Variants in TF observed in about 807,000 individuals in gnomAD.
The protein encoded by TF is serotransferrin.
A neutral mutation model predicts 82.4 loss-of-function variants in TF; 55 were observed. The observed-to-expected ratio is 0.67, with a 90% CI of 0.54 to 0.84. The LOEUF is 0.84. Ranked by LOEUF, TF falls within the 40% of genes least tolerant of loss-of-function variation. The pLI, the probability that TF is intolerant of heterozygous loss-of-function variation, is 0.00. For synonymous variants in TF, 332 were observed against 332.6 expected, an observed-to-expected ratio of 1.00 and a Z score of 0.02; for missense variants, 737 against 868.4, an observed-to-expected ratio of 0.85 and a Z score of 1.90.
chr3:133,740,171 A>C, the TF span, among the ~76,000 whole-genome samples: 3 of 152,238 alleles, frequency 2.0e-5, no homozygotes, highest in African/African-American at 4.8e-5. Context: ...GGATGAGTTC[A>C]TGTCCTTTGC....
intron 15 of TF, among the ~76,000 whole-genome samples, chr3:133,776,337 CAG>C (rs1238217135): frequency 1.3e-5 from 2 of 152,218 alleles, no homozygotes; most frequent in East Asian, 1.9e-4. Flanking sequence ...TTGTTGAAGA[CAG>C]GGGCTGCCTG....
the TF span, among the ~76,000 whole-genome samples, chr3:133,675,912 G>A: frequency 6.6e-6 from 1 of 152,156 alleles, no homozygotes; most frequent in Non-Finnish European, 1.5e-5. Context: ...GACAGAATAA[G>A]TTCATGACCC....
chr3:133,666,653 G>A, the TF span, among the ~76,000 whole-genome samples: 1 of 152,280 alleles, frequency 6.6e-6, no homozygotes, highest in South Asian at 2.1e-4. Flanking sequence ...TCTATTCTAT[G>A]TGGGTTGCTA....
Position 133,757,944 on chromosome 3 carries a change from C to T in TF, c.1046C>T (p.Thr349Ile), listed in dbSNP as rs374953101. The T allele has an allele frequency of 6.2e-7, 1 of 1,613,970 alleles. No individual in the cohort carries two copies. The highest frequency in any genetic ancestry group is 1.7e-5 in the Admixed American group (1 of 60,004). The change falls in exon 8 of 17, where the codon ACA becomes ATA. Residue 349 changes from threonine (T) to isoleucine (I), a missense_variant and splice_region_variant. By Grantham distance (89) the Thr-to-Ile change is moderately conservative. Coordinates refer to ENST00000402696, the MANE Select transcript of TF (RefSeq NM_001063.4). ...GCCATCCGGAATCTACGGGAAGGCA[C>T]ATGTGAGTACCTGGGAAGAACCAGG... is the stretch of plus-strand genomic sequence containing the variant. ...VTAIRNLREG[T>I]CPEAPTDECK... is the part of the protein sequence containing the mutation.
chr3:133,696,077 TGA>T, the TF span, among the ~76,000 whole-genome samples: 1 of 151,960 alleles, frequency 6.6e-6, no homozygotes, highest in Admixed American at 6.6e-5. Context: ...GAAGATATTT[TGA>T]GAGAGAGAGA....
At position 133,756,987 on chromosome 3, in the gene TF, G is replaced by A. The variant is rs1933856785; in HGVS notation, c.848G>A (p.Trp283Ter). The change falls in exon 7 of 17, where the codon TGG becomes TAG. Residue 283 changes from tryptophan to a stop codon, truncating the protein, a stop_gained. Coordinates refer to ENST00000402696, the MANE Select transcript of TF (RefSeq NM_001063.4). LOFTEE classifies it high-confidence loss of function. ...RSMGGKEDLI[W>*]ELLNQAQEHF... ...ATGGGCGGCAAGGAGGACTTGATCT[G>A]GGAGCTTCTCAACCAGGCCCAGGTA... The A allele has an allele frequency of 1.2e-6, 2 of 1,614,014 alleles. No individual in the cohort carries two copies.
chr3:133,712,045 C>T, the TF span, among the ~76,000 whole-genome samples: 1 of 152,176 alleles, frequency 6.6e-6, no homozygotes. Context: ...TTCTCCCTGA[C>T]CCCTAGGGCT....
the TF span, among the ~76,000 whole-genome samples, chr3:133,719,626 AT>A: frequency 3.1e-3 from 470 of 151,230 alleles, 1 homozygote; most frequent in African/African-American, 0.011. Flanking sequence ...AAATTTTACA[AT>A]TTTTTTTTCT....
At chr3:133,746,668 C>G (rs780891106) in intron 1 of TF, among the ~76,000 whole-genome samples, 185 bp downstream of exon 1, 2 of 152,248 alleles carry the variant, frequency 1.3e-5, no homozygotes, top group Non-Finnish European at 2.9e-5. Flanking sequence ...ACACCTTTCA[C>G]TGCACTCACT....
intron 2 of TF, among the ~76,000 whole-genome samples, chr3:133,752,072 A>G (rs1406469863): frequency 6.6e-6 from 1 of 151,008 alleles, no homozygotes; most frequent in African/African-American, 2.4e-5. Context: ...AACAAAGTTC[A>G]TGGAACTATA....
At position 133,794,118 on chromosome 3, in the gene TF, A is replaced by G. The variant is rs1576376240; in HGVS notation, c.*15498A>G. On this transcript the variant is annotated 3_prime_UTR_variant, in exon 17 of 17. Transcript: ENST00000402696. Reference sequence around the variant, plus strand: ...GGAAACAACTGGTATTCAAGAGGATATGAGTCTAATGTTAATTAAGCATGA... The same window carrying G: ...GGAAACAACTGGTATTCAAGAGGATGTGAGTCTAATGTTAATTAAGCATGA... The G allele has an allele frequency of 6.6e-6, 1 of 152,354 alleles. No individual in the cohort carries two copies. Among genetic ancestry groups the G allele is most frequent in the African/African-American group, 2.4e-5 (1 of 41,588 alleles). The allele number at this position is 152,354 out of a possible 1,614,324, so 9.4% of individuals were successfully genotyped here. A position where few individuals can be genotyped will look rare whatever the true frequency, so the allele number is the denominator to read the frequency against.
the TF span, among the ~76,000 whole-genome samples, chr3:133,677,083 C>G: frequency 6.6e-6 from 1 of 152,234 alleles, no homozygotes; most frequent in Non-Finnish European, 1.5e-5. Context: ...CCTGTAAGAG[C>G]CAGGAGCCAA....
the TF span, among the ~76,000 whole-genome samples, chr3:133,696,599 A>C: frequency 1.3e-5 from 2 of 152,210 alleles, no homozygotes; most frequent in African/African-American, 4.8e-5. Flanking sequence ...TGTAATAATC[A>C]ATTCTCTTAG....
the TF span, among the ~76,000 whole-genome samples, chr3:133,698,328 C>T: frequency 2.6e-5 from 4 of 152,238 alleles, no homozygotes; most frequent in African/African-American, 7.2e-5. Flanking sequence ...ACAGTCAAGA[C>T]TTTCCATCCA....
the TF span, chr3:133,704,348 CT>C: frequency 9.1e-6 from 2 of 220,678 alleles, no homozygotes; most frequent in Admixed American, 8.3e-5. Context: ...TCCATTTTTT[CT>C]GTCCACAGTT....
chr3:133,753,518 C>T, intron 2 of TF, 77 bp from the exon 3 acceptor site: 1 of 1,316,862 alleles, frequency 7.6e-7, no homozygotes, highest in Non-Finnish European at 1.1e-6. Context: ...CTGGTAGCCA[C>T]TCTCTACTTG....
intron 2 of TF, among the ~76,000 whole-genome samples, chr3:133,750,971 A>C (rs1933647242): frequency 6.6e-6 from 1 of 152,074 alleles, no homozygotes; most frequent in Non-Finnish European, 1.5e-5. Flanking sequence ...TTTCATATAT[A>C]AGGTCTAGTT....
At chr3:133,752,486 A>G (rs1272535572) in intron 2 of TF, among the ~76,000 whole-genome samples, 1 of 152,242 alleles carries the variant, frequency 6.6e-6, no homozygotes, top group Non-Finnish European at 1.5e-5. Flanking sequence ...CATTTAAAAC[A>G]AAAAAGGAGT....
At chr3:133,724,330 T>C in the TF span, among the ~76,000 whole-genome samples, 1 of 152,324 alleles carries the variant, frequency 6.6e-6, no homozygotes, top group East Asian at 1.9e-4. Flanking sequence ...GTTTCCTGAC[T>C]TTTTAATGAT....
Sources: gnomAD v4.1 joint callset for allele counts (sites outside exome capture counted in the v4.1 genomes callset) on GRCh38, gnomAD v4.1.1 for gene constraint, MANE v1.5 for transcripts, NCBI Gene and HGNC (gene_info 2026-07-23, HGNC 2026-07-21) for gene names.